AP1M2: variants seen among roughly 807,000 people sequenced by gnomAD.
AP1M2 encodes adaptor related protein complex 1 subunit mu 2.
Under a neutral mutation model 54.6 loss-of-function variants are expected in AP1M2, and 41 were observed. The ratio of observed to expected loss-of-function variants is 0.75; its 90% confidence interval spans 0.59 to 0.97. The LOEUF is 0.97. Among genes scored for constraint, AP1M2 ranks in the 50% least tolerant of loss-of-function variants. AP1M2 has a pLI of 0.00. For synonymous variants in AP1M2, 219 were observed against 215.9 expected (o/e 1.01, Z -0.13); for missense variants, 507 against 561.2 (o/e 0.90, Z 0.98).
chr19:10,583,236 C>T (rs1409387975), intron 3 of AP1M2, among the ~76,000 whole-genome samples: 5 of 151,968 alleles, frequency 3.3e-5, no homozygotes, highest in Non-Finnish European at 5.9e-5. Context: ...TTAGCTGAGC[C>T]GTATGCTCTC....
At chr19:10,580,348 C>T (rs1026779066) in intron 6 of AP1M2, among the ~76,000 whole-genome samples, 2 of 151,824 alleles carry the variant, frequency 1.3e-5, no homozygotes, top group Non-Finnish European at 2.9e-5. Flanking sequence ...ACTGTATACC[C>T]GGCAGTGTCT....
chr19:10,584,441 G>A (rs183622067), intron 1 of AP1M2, among the ~76,000 whole-genome samples: 12 of 152,228 alleles, frequency 7.9e-5, no homozygotes, highest in Admixed American at 5.2e-4. Flanking sequence ...TTAGCCGGGC[G>A]TGATGGCGTG....
Position 10,581,254 on chromosome 19 carries a change from C to T in AP1M2, c.673+12G>A, listed in dbSNP as rs773903906. 9 of 1,609,190 alleles carry T rather than the reference C, an allele frequency of 5.6e-6. No homozygotes were observed. In the East Asian group the frequency reaches 2.0e-4, roughly 36 times the overall value. The stretch of plus-strand genomic sequence containing the variant: ...GTGCATTTCTCAGAAGAAAGGTCCC[C>T]TAAATGCTTACGGCCAGTGAGCTCG... On this transcript the variant is annotated intron_variant, in intron 6 of 11. Coordinates refer to ENST00000250244, the MANE Select transcript of AP1M2 (RefSeq NM_005498.5).
At chr19:10,580,505 C>CA (rs1049815214) in intron 6 of AP1M2, among the ~76,000 whole-genome samples, 6 of 151,760 alleles carry the variant, frequency 4.0e-5, no homozygotes, top group East Asian at 1.9e-4. Flanking sequence ...ACTAAAAATA[C>CA]AAAAAAAATT....
rs138089709 is a variant in AP1M2 at position 10,587,268 on chromosome 19, C to G, written c.-37G>C. On this transcript the variant is annotated 5_prime_UTR_variant, in exon 1 of 12. Transcript: ENST00000250244. Reference sequence around the variant, plus strand: ...AAGGACTTAGGAGTCGGGGAGGGAGCGCCGGGAGGCGATGGCGGCGCCGCT... The same window carrying G: ...AAGGACTTAGGAGTCGGGGAGGGAGGGCCGGGAGGCGATGGCGGCGCCGCT... 1.0e-3 allele frequency: 1,561 copies of G among 1,555,734 alleles called. 29 individuals carry two copies. The East Asian group carries it at 0.034, about 34-fold the overall frequency.
rs772981882 is a variant in AP1M2, at chr19:10,587,173, C to T, written c.42+17G>A. The T allele has an allele frequency of 8.4e-6, 13 of 1,553,506 alleles. No individual in the cohort carries two copies. Among genetic ancestry groups the T allele is most frequent in the Non-Finnish European group, 1.0e-5 (12 of 1,148,240 alleles). On this transcript the variant is annotated intron_variant, in intron 1 of 11. Coordinates refer to ENST00000250244, the MANE Select transcript of AP1M2 (RefSeq NM_005498.5). The stretch of plus-strand genomic sequence containing the variant: ...ACCTCACCTGTCCGTCTCCCAACTC[C>T]TCATGCCCAGCCTCACCTTGCCCTT...
intron 11 of AP1M2, 112 bp downstream of exon 11, chr19:10,574,305 C>T (rs1917152728): frequency 3.4e-6 from 3 of 883,588 alleles, no homozygotes; most frequent in South Asian, 1.8e-5. Context: ...CACACCTGAA[C>T]CATCACACCT....
In AP1M2 at chr19:10,581,375, G is replaced by A. The variant is rs76685516; in HGVS notation, c.564C>T (p.Ser188=). Residue 188 remains serine, a synonymous_variant, in exon 6 of 12, where the codon AGC becomes AGT. Transcript: ENST00000250244. ...TACCGACGATTTCGCTCAGAAGGAC[G>A]CTGCCGTTGGCATTGACCTGAGGGA... is the stretch of plus-strand genomic sequence containing the variant. The part of the protein sequence containing the change: ...SVNLLVNANG[S]VLLSEIVGTI... 2.3e-3 allele frequency: 3,635 copies of A among 1,612,336 alleles called. 109 individuals are homozygous for A. The East Asian group carries it at 0.059, about 26-fold the overall frequency.
chr19:10,580,278 C>T (rs559544622), intron 6 of AP1M2, among the ~76,000 whole-genome samples: 3 of 151,996 alleles, frequency 2.0e-5, no homozygotes, highest in Admixed American at 2.0e-4. Flanking sequence ...CTCAAATTCC[C>T]AACCTCAGGT....
intron 3 of AP1M2, among the ~76,000 whole-genome samples, chr19:10,582,670 C>T (rs533324029): frequency 1.0e-4 from 15 of 150,640 alleles, no homozygotes; most frequent in African/African-American, 3.4e-4. Context: ...ATCACTTGAA[C>T]CCAGGAGGTA....
chr19:10,579,085 C>T (rs1265498491), intron 7 of AP1M2, 122 bp from the exon 8 acceptor site: 30 of 714,394 alleles, frequency 4.2e-5, no homozygotes, highest in South Asian at 4.0e-4. Context: ...AGTGCCATGG[C>T]GTGATCTTGG....
rs199993712 is a variant in AP1M2 at position 10,581,266 on chromosome 19, G to A, written c.673C>T (p.Arg225Cys). 1.7e-5 allele frequency: 28 copies of A among 1,612,314 alleles called. No homozygotes were observed. Among genetic ancestry groups the A allele is most frequent in the Admixed American group, 3.3e-5 (2 of 59,758 alleles). ...GAAGAAAGGTCCCCTAAATGCTTAC[G>A]GCCAGTGAGCTCGAAGAGCACGCGG... is the stretch of plus-strand genomic sequence containing the variant. Reference protein sequence around the residue: ...NDRVLFELTGRSKNKSVELED... With the variant: ...NDRVLFELTGCSKNKSVELED... The change falls in exon 6 of 12, where the codon CGC becomes TGC. Residue 225 changes from arginine to cysteine, a missense_variant and splice_region_variant. By Grantham distance (180) the Arg-to-Cys change is radical. Transcript: ENST00000250244.
At chr19:10,578,261 G>C (rs1917311293) in intron 8 of AP1M2, among the ~76,000 whole-genome samples, 1 of 152,132 alleles carries the variant, frequency 6.6e-6, no homozygotes, top group African/African-American at 2.4e-5. Flanking sequence ...GGGCTGAGAG[G>C]GCATATGAAA....
At chr19:10,585,432 C>G (rs1385337330) in intron 1 of AP1M2, among the ~76,000 whole-genome samples, 1 of 152,162 alleles carries the variant, frequency 6.6e-6, no homozygotes, top group South Asian at 2.1e-4. Flanking sequence ...GACACGGTGG[C>G]TCACGCCTTT....
At chr19:10,583,819 A>G (rs1029049862) in intron 2 of AP1M2, 95 bp downstream of exon 2, 22 of 1,503,778 alleles carry the variant, frequency 1.5e-5, no homozygotes, top group Non-Finnish European at 2.0e-5. Context: ...GTGCGGTGCA[A>G]CTCCTGTCCT....
intron 6 of AP1M2, 120 bp from the exon 7 acceptor site, chr19:10,579,978 G>T: frequency 1.0e-6 from 1 of 971,226 alleles, no homozygotes; most frequent in Non-Finnish European, 1.4e-6. Flanking sequence ...GGCCCAGAGA[G>T]AATGAGCAAA....
chr19:10,577,587 G>C lies in AP1M2; in HGVS notation c.889-231C>G, dbSNP rs1308267061. Among the ~76,000 whole-genome samples, 18 of 150,618 alleles carry C rather than the reference G, an allele frequency of 1.2e-4. No individual in the cohort carries two copies. In the East Asian group the frequency reaches 3.5e-3, roughly 30 times the overall value. On this transcript the variant is annotated intron_variant, in intron 8 of 11. Transcript: ENST00000250244. ...CAGCTGGGACTACAGGCACCCGCCA[G>C]CACGCCCAGCTAATTTTTTTTGTAT...
chr19:10,576,530 G>C (rs1380633480), intron 9 of AP1M2, among the ~76,000 whole-genome samples: 1 of 151,978 alleles, frequency 6.6e-6, no homozygotes, highest in Non-Finnish European at 1.5e-5. Flanking sequence ...CCAAAGTGCT[G>C]GGATTACAGG....
chr19:10,581,019 G>C (rs1279975547), intron 6 of AP1M2, among the ~76,000 whole-genome samples: 1 of 152,184 alleles, frequency 6.6e-6, no homozygotes, highest in Non-Finnish European at 1.5e-5. Flanking sequence ...ATCTCTGTAA[G>C]AACGCGGGTT....
Sources: gnomAD v4.1 joint callset for allele counts (sites outside exome capture counted in the v4.1 genomes callset) on GRCh38, gnomAD v4.1.1 for gene constraint, MANE v1.5 for transcripts, NCBI Gene and HGNC (gene_info 2026-07-23, HGNC 2026-07-21) for gene names.